The following PTPRD variants were observed in gnomAD, a reference collection of about 807,000 sequenced individuals.
The protein encoded by PTPRD is receptor-type tyrosine-protein phosphatase delta.
A neutral mutation model predicts 214.5 loss-of-function variants in PTPRD; 34 were observed. The observed-to-expected ratio is 0.16, with a 90% CI of 0.12 to 0.21. The LOEUF is 0.21. Among genes scored for constraint, PTPRD ranks in the 10% least tolerant of loss-of-function variants. The pLI is 1.00. For synonymous variants in PTPRD, 1,128 were observed against 845.7 expected, an observed-to-expected ratio of 1.33 and a Z score of -5.79; for missense variants, 2,545 against 2,398.7, an observed-to-expected ratio of 1.06 and a Z score of -1.27.
chr9:9,690,640 G>C (rs950682784), intron 7 of PTPRD, among the ~76,000 whole-genome samples: 1 of 151,716 alleles, frequency 6.6e-6, no homozygotes, highest in East Asian at 1.9e-4. Context: ...ATTTTGATTT[G>C]TTTTATATGT....
At position 9,929,192 on chromosome 9, in the gene PTPRD, G is replaced by A. The variant is rs377494918; in HGVS notation, c.-368+9315C>T. ...CACATTTAGGATGTGCATACTGGGG[G>A]AGAAGAACACAAGAAAGAATGATGA... On this transcript the variant is annotated intron_variant, in intron 5 of 45. Transcript: ENST00000381196. Among the ~76,000 whole-genome samples the A allele has an allele frequency of 6.4e-4, 98 of 152,242 alleles. 1 individual carries two copies. In the South Asian group the frequency reaches 0.02, roughly 31 times the overall value.
intron 10 of PTPRD, among the ~76,000 whole-genome samples, chr9:9,176,359 CTCTA>C (rs1340447359): frequency 6.6e-6 from 1 of 152,160 alleles, no homozygotes; most frequent in East Asian, 1.9e-4. Flanking sequence ...AGAAGTCAGT[CTCTA>C]TCTATATAGT....
chr9:9,801,907 T>A (rs1830775), intron 5 of PTPRD, among the ~76,000 whole-genome samples: 1 of 151,764 alleles, frequency 6.6e-6, no homozygotes, highest in Non-Finnish European at 1.5e-5. Flanking sequence ...ACAATCAGAA[T>A]ACTATAATGA....
At position 9,838,596 on chromosome 9, in the gene PTPRD, A is replaced by G. The variant is rs1423672517; in HGVS notation, c.-367-71745T>C. Among the ~76,000 whole-genome samples the G allele has an allele frequency of 3.8e-4, 58 of 151,824 alleles. 1 individual carries two copies. The highest frequency in any genetic ancestry group is 3.3e-4 in the Admixed American group (5 of 15,246). ...TGAGAAGTGTCTGTTCATGTCCTTCACCCACTTTTTAATTGGGTTGCTTTT... is the reference window on the plus strand; with the variant it reads ...TGAGAAGTGTCTGTTCATGTCCTTCGCCCACTTTTTAATTGGGTTGCTTTT... On this transcript the variant is annotated intron_variant, in intron 5 of 45. Coordinates refer to ENST00000381196, the MANE Select transcript of PTPRD (RefSeq NM_002839.4).
chr9:8,372,813 C>T (rs1242325051), intron 39 of PTPRD, among the ~76,000 whole-genome samples: 3 of 151,958 alleles, frequency 2.0e-5, no homozygotes, highest in Non-Finnish European at 2.9e-5. Context: ...AATTACAGCA[C>T]AGAATCATTG....
At chr9:10,344,019 G>T (rs1253443441) in intron 2 of PTPRD, among the ~76,000 whole-genome samples, 5 of 97,200 alleles carry the variant, frequency 5.1e-5, no homozygotes, top group Non-Finnish European at 7.8e-5. Flanking sequence ...CTGTGCAGAA[G>T]CTCTTTAGTT....
intron 11 of PTPRD, among the ~76,000 whole-genome samples, chr9:8,942,854 C>T (rs2099042033): frequency 6.6e-6 from 1 of 152,010 alleles, no homozygotes; most frequent in Admixed American, 6.6e-5. Context: ...TCCTTGTTTG[C>T]AGATGGTATT....
chr9:10,382,407 G>C (rs895370882), intron 2 of PTPRD, among the ~76,000 whole-genome samples: 1 of 151,800 alleles, frequency 6.6e-6, no homozygotes, highest in Non-Finnish European at 1.5e-5. Context: ...TTGTTTACCT[G>C]GAACTTCTGG....
chr9:9,253,038 A>C (rs1195476962), intron 9 of PTPRD, among the ~76,000 whole-genome samples: 1 of 152,126 alleles, frequency 6.6e-6, no homozygotes, highest in African/African-American at 2.4e-5. Context: ...TTTAATGGAA[A>C]AGTAGAATAA....
intron 5 of PTPRD, among the ~76,000 whole-genome samples, chr9:9,779,266 A>C (rs1459209376): frequency 2.0e-5 from 3 of 152,060 alleles, no homozygotes; most frequent in Non-Finnish European, 4.4e-5. Flanking sequence ...AAGAAAACCT[A>C]GAAAATACAC....
intron 7 of PTPRD, among the ~76,000 whole-genome samples, chr9:9,641,693 A>G (rs1373429482): frequency 1.3e-5 from 2 of 152,170 alleles, no homozygotes; most frequent in Non-Finnish European, 2.9e-5. Context: ...ATAACAAAGG[A>G]ATTTTTAACA....
chr9:9,892,768 T>C (rs1357104008), intron 5 of PTPRD, among the ~76,000 whole-genome samples: 1 of 151,754 alleles, frequency 6.6e-6, no homozygotes, highest in East Asian at 1.9e-4. Context: ...TTGTGTCTTG[T>C]TCAGGGAAAT....
At chr9:9,289,746 A>G (rs1247254879) in intron 9 of PTPRD, among the ~76,000 whole-genome samples, 2 of 151,776 alleles carry the variant, frequency 1.3e-5, no homozygotes, top group Non-Finnish European at 2.9e-5. Context: ...TTCACTTTAC[A>G]TAACGTCTCA....
chr9:8,461,995 C>T (rs1203085929), intron 32 of PTPRD, among the ~76,000 whole-genome samples: 2 of 151,806 alleles, frequency 1.3e-5, no homozygotes, highest in Non-Finnish European at 2.9e-5. Flanking sequence ...CATCTCTTGT[C>T]CTCTCTTATC....
chr9:9,349,408 ACACT>A, intron 9 of PTPRD, among the ~76,000 whole-genome samples: 2 of 152,072 alleles, frequency 1.3e-5, no homozygotes, highest in African/African-American at 4.8e-5. Context: ...TAATACAGAA[ACACT>A]GCAAGCAAGC....
intron 7 of PTPRD, among the ~76,000 whole-genome samples, chr9:9,675,533 A>C (rs994731627): frequency 3.3e-5 from 5 of 151,890 alleles, no homozygotes; most frequent in African/African-American, 4.8e-5. Flanking sequence ...ACAAATACTT[A>C]GTACTGCATT....
chr9:9,386,758 GA>G (rs1353831118), intron 9 of PTPRD, among the ~76,000 whole-genome samples: 1 of 151,868 alleles, frequency 6.6e-6, no homozygotes, highest in Non-Finnish European at 1.5e-5. Context: ...TCTGGATGGG[GA>G]AAAAAAGATA....
chr9:9,091,820 A>G (rs189997142), intron 10 of PTPRD, among the ~76,000 whole-genome samples: 67 of 152,332 alleles, frequency 4.4e-4, no homozygotes, highest in African/African-American at 1.5e-3. Flanking sequence ...GTTTACTCTC[A>G]GGTTTCATCT....
Position 10,440,560 on chromosome 9 carries a change from G to A in PTPRD, c.-599-99543C>T, listed in dbSNP as rs1388895470. On this transcript the variant is annotated intron_variant, in intron 2 of 45. Transcript: ENST00000381196. The stretch of plus-strand genomic sequence containing the variant: ...GTGATGAGACATAGAGAAAGATAGA[G>A]CAAGAAAACAGCAGAGGCGCTGGTG... Among the ~76,000 whole-genome samples, 4 of 151,620 alleles carry A rather than the reference G, an allele frequency of 2.6e-5. No homozygotes were observed. In the East Asian group the frequency reaches 5.8e-4, roughly 22 times the overall value.
Sources: gnomAD v4.1 joint callset for allele counts (sites outside exome capture counted in the v4.1 genomes callset) on GRCh38, gnomAD v4.1.1 for gene constraint, MANE v1.5 for transcripts, NCBI Gene and HGNC (gene_info 2026-07-23, HGNC 2026-07-21) for gene names.